Variants in G2E3 observed in about 807,000 individuals in gnomAD.
G2E3 encodes G2/M-phase specific E3 ubiquitin protein ligase.
In G2E3, 35 loss-of-function variants were observed where a neutral mutation model predicts 92.8. That is an observed-to-expected ratio of 0.38 (90% CI 0.29 to 0.50). The LOEUF is 0.50. Among genes scored for constraint, G2E3 ranks in the 20% least tolerant of loss-of-function variants. The pLI is 0.94. For synonymous variants in G2E3, 242 were observed against 272.4 expected (o/e 0.89, Z 1.10); for missense variants, 554 against 823.8 (o/e 0.67, Z 4.01).
At chr14:30,601,917 T>A in intron 9 of G2E3, 23 bp downstream of exon 9, 1 of 1,608,134 alleles carries the variant, frequency 6.2e-7, no homozygotes, top group South Asian at 1.1e-5. Flanking sequence ...TAATTTTGAA[T>A]AAAGTTTTTA....
At position 30,586,741 on chromosome 14, in the gene G2E3, G is replaced by C. The variant is rs771416186; in HGVS notation, c.61G>C (p.Asp21His). 4 of 1,404,226 alleles carry C rather than the reference G, an allele frequency of 2.8e-6. No individual in the cohort carries two copies. The highest frequency in any genetic ancestry group is 2.9e-5 in the African/African-American group (2 of 68,664). The allele number at this position is 1,404,226 out of a possible 1,614,324, so 87.0% of individuals were successfully genotyped here. Residue 21 changes from aspartate (D) to histidine (H), a missense_variant, in exon 3 of 15, where the codon GAT becomes CAT. Asp to His is a moderately conservative substitution (Grantham distance 81). Transcript: ENST00000206595. ...AGCTTGTGTTTTCTGTCGAAAACAT[G>C]ATGACTGTCCTAATAAATACGGAGA... ...NLACVFCRKHDDCPNKYGEKK... is the reference protein window; with the variant it reads ...NLACVFCRKHHDCPNKYGEKK...
intron 4 of G2E3, among the ~76,000 whole-genome samples, chr14:30,591,434 C>T (rs192169111): frequency 3.1e-4 from 47 of 152,244 alleles, no homozygotes; most frequent in Admixed American, 1.4e-3. Context: ...CTAGGGCTGC[C>T]ATAGCAAATT....
chr14:30,606,922 ATTAT>A (rs1881857489), intron 11 of G2E3, among the ~76,000 whole-genome samples: 3 of 152,116 alleles, frequency 2.0e-5, no homozygotes, highest in African/African-American at 7.2e-5. Flanking sequence ...TTTGGGAAAG[ATTAT>A]TTAGTGATAT....
Position 30,586,748 on chromosome 14 carries a change from G to A in G2E3, c.68G>A (p.Cys23Tyr), listed in dbSNP as rs558033093. Residue 23 changes from cysteine to tyrosine, a missense_variant, in exon 3 of 15, where the codon TGT (cysteine) becomes TAT (tyrosine). Around this residue, in one of 3 missense-constraint regions of G2E3, gnomAD observed 137 missense variants for 201.3 expected, o/e 0.68. Coordinates refer to ENST00000206595, the MANE Select transcript of G2E3 (RefSeq NM_017769.5). ...ACVFCRKHDD[C>Y]PNKYGEKKTK... ...GTTTTCTGTCGAAAACATGATGACT[G>A]TCCTAATAAATACGGAGAAAAGAAA... The A allele has an allele frequency of 7.0e-7, 1 of 1,431,850 alleles. No homozygotes were observed. The highest frequency in any genetic ancestry group is 2.4e-5 in the East Asian group (1 of 41,526). 88.7% of individuals were successfully genotyped at this position (1,431,850 alleles called of 1,614,324 possible).
intron 1 of G2E3, among the ~76,000 whole-genome samples, chr14:30,565,446 T>C (rs1451674878): frequency 6.6e-6 from 1 of 152,146 alleles, no homozygotes; most frequent in Non-Finnish European, 1.5e-5. Flanking sequence ...AGTTTTATAC[T>C]TTGGTAAAGT....
At chr14:30,612,673 C>CA (rs1192851826) in intron 13 of G2E3, among the ~76,000 whole-genome samples, 1 of 152,006 alleles carries the variant, frequency 6.6e-6, no homozygotes, top group African/African-American at 2.4e-5. Flanking sequence ...GCCTGACCAA[C>CA]ATGGTGAAAC....
In G2E3 at chr14:30,559,715, G is replaced by T. The variant is rs532429916; in HGVS notation, c.-5+443G>T. 1.4e-4 allele frequency: 22 copies of T among 152,342 alleles called. 2 individuals carry two copies. The Middle Eastern group carries it at 0.02, about 141-fold the overall frequency. 9.4% of individuals were successfully genotyped at this position (152,342 alleles called of 1,614,324 possible). On this transcript the variant is annotated intron_variant, in intron 1 of 14. Coordinates refer to ENST00000206595, the MANE Select transcript of G2E3 (RefSeq NM_017769.5). ...GGTTGGGGCGGGTTTAGAATGAAAAGATGCTCTACGTGGCTCCGCGTTCCT... is the reference window on the plus strand; with the variant it reads ...GGTTGGGGCGGGTTTAGAATGAAAATATGCTCTACGTGGCTCCGCGTTCCT...
In G2E3 at chr14:30,605,699, G is replaced by A; in HGVS notation, c.1205G>A (p.Gly402Glu). The change falls in exon 11 of 15, where the codon GGA (glycine) becomes GAA (glutamate). Residue 402 changes from glycine to glutamate, a missense_variant. Physicochemically the swap from Gly to Glu is moderately conservative, Grantham distance 98. Transcript: ENST00000206595. ...TATGTTATTGAAAATGATAATTTTG[G>A]AAGTGAGCATCCTGGATCAAAGCAA... ...VAYVIENDNF[G>E]SEHPGSKQEF... The A allele has an allele frequency of 1.2e-6, 2 of 1,607,518 alleles. No individual in the cohort carries two copies. Among genetic ancestry groups the A allele is most frequent in the Non-Finnish European group, 1.7e-6 (2 of 1,175,132 alleles).
chr14:30,613,085 C>T (rs1459781984), intron 13 of G2E3, among the ~76,000 whole-genome samples: 2 of 152,138 alleles, frequency 1.3e-5, no homozygotes, highest in African/African-American at 4.8e-5. Flanking sequence ...ATGATTCCTG[C>T]TGTCCTTTAG....
At chr14:30,613,391 C>G (rs917370866) in intron 13 of G2E3, among the ~76,000 whole-genome samples, 5 of 152,146 alleles carry the variant, frequency 3.3e-5, no homozygotes, top group African/African-American at 1.2e-4. Context: ...GTTACTATTA[C>G]TACTGAAGTT....
At chr14:30,605,419 C>A in intron 10 of G2E3, 86 bp from the exon 11 acceptor site, 1 of 502,492 alleles carries the variant, frequency 2.0e-6, no homozygotes, top group Non-Finnish European at 3.5e-6. Context: ...TTTTTCCCCT[C>A]GTCTTGTTTT....
chr14:30,589,890 A>G (rs973260018), intron 4 of G2E3, among the ~76,000 whole-genome samples: 5 of 152,044 alleles, frequency 3.3e-5, no homozygotes, highest in African/African-American at 1.2e-4. Context: ...TGAGATTGGA[A>G]TGTTGGGTTG....
chr14:30,589,611 T>G, intron 4 of G2E3, 127 bp downstream of exon 4: 1 of 583,084 alleles, frequency 1.7e-6, no homozygotes, highest in Non-Finnish European at 3.0e-6. Context: ...ATTTTGTCAT[T>G]TAAATATGGT....
intron 1 of G2E3, among the ~76,000 whole-genome samples, chr14:30,570,744 G>A (rs960881053): frequency 6.6e-6 from 1 of 152,030 alleles, no homozygotes; most frequent in African/African-American, 2.4e-5. Flanking sequence ...TTGATTGTGA[G>A]TTTTTTGCCA....
At chr14:30,576,573 G>A (rs1024702651) in intron 1 of G2E3, among the ~76,000 whole-genome samples, 2 of 152,142 alleles carry the variant, frequency 1.3e-5, no homozygotes, top group Admixed American at 6.5e-5. Context: ...TACCAACAGA[G>A]TAAACAGACA....
chr14:30,579,039 ATTGTG>A (rs1880280763), intron 1 of G2E3, among the ~76,000 whole-genome samples: 1 of 152,178 alleles, frequency 6.6e-6, no homozygotes, highest in African/African-American at 2.4e-5. Context: ...TGTTCTATAG[ATTGTG>A]ATCCTCAATC....
At chr14:30,610,968 T>C (rs1882060777) in intron 12 of G2E3, among the ~76,000 whole-genome samples, 1 of 152,260 alleles carries the variant, frequency 6.6e-6, no homozygotes, top group Non-Finnish European at 1.5e-5. Context: ...CATAAAATGC[T>C]ATCTGGCCCT....
At chr14:30,597,583 A>G in intron 7 of G2E3, 57 bp downstream of exon 7, 2 of 917,454 alleles carry the variant, frequency 2.2e-6, no homozygotes, top group Non-Finnish European at 3.6e-6. Flanking sequence ...AGGATTTAAT[A>G]GCAATGGAAA....
Position 30,619,066 on chromosome 14 carries a change from A to G in G2E3, c.*2532A>G, listed in dbSNP as rs149019193. The G allele has an allele frequency of 1.8e-3, 267 of 152,230 alleles. 2 individuals carry two copies. The highest frequency in any genetic ancestry group is 6.3e-3 in the African/African-American group (263 of 41,572). The allele number at this position is 152,230 out of a possible 1,614,324, so 9.4% of individuals were successfully genotyped here. A position where few individuals can be genotyped will look rare whatever the true frequency, so the allele number is the denominator to read the frequency against. The stretch of plus-strand genomic sequence containing the variant: ...ATTCATTGTTTTTAAACACTTTCCA[A>G]TATGGAAACTTTAACACCTTTTATA... On this transcript the variant is annotated 3_prime_UTR_variant, in exon 15 of 15. Coordinates refer to ENST00000206595, the MANE Select transcript of G2E3 (RefSeq NM_017769.5).
Sources: gnomAD v4.1 joint callset for allele counts (sites outside exome capture counted in the v4.1 genomes callset) on GRCh38, gnomAD v4.1.1 for gene constraint, gnomAD v4.1.1 regional missense constraint, MANE v1.5 for transcripts, NCBI Gene and HGNC (gene_info 2026-07-23, HGNC 2026-07-21) for gene names.